IMMP2L: variants seen among roughly 807,000 people sequenced by gnomAD.
IMMP2L encodes the protein inner mitochondrial membrane peptidase subunit 2.
A neutral mutation model predicts 19.3 loss-of-function variants in IMMP2L; 18 were observed. That is an observed-to-expected ratio of 0.93 (90% CI 0.64 to 1.38). The LOEUF is 1.38. IMMP2L is among the 40% of genes most tolerant of loss of function. IMMP2L has a pLI of 0.00. For missense variants in IMMP2L, 233 were observed against 218.2 expected (o/e 1.07, Z -0.43); for synonymous variants, 76 against 73.0 (o/e 1.04, Z -0.21).
chr7:110,749,513 T>C (rs1002079033), intron 5 of IMMP2L, among the ~76,000 whole-genome samples: 13 of 152,140 alleles, frequency 8.5e-5, no homozygotes, highest in Admixed American at 7.9e-4. Flanking sequence ...CCATCAATGA[T>C]AGGCTGGATA....
At chr7:111,398,608 C>T (rs1424963693) in intron 3 of IMMP2L, among the ~76,000 whole-genome samples, 3 of 151,956 alleles carry the variant, frequency 2.0e-5, no homozygotes, top group Admixed American at 6.6e-5. Flanking sequence ...CAGCATAGTA[C>T]TGGAAGTCCT....
At chr7:110,706,780 T>C (rs1479828171) in intron 5 of IMMP2L, among the ~76,000 whole-genome samples, 2 of 152,122 alleles carry the variant, frequency 1.3e-5, no homozygotes, top group East Asian at 1.9e-4. Flanking sequence ...GAATATTTTC[T>C]CTTATTCTGT....
chr7:111,105,045 C>T (rs969388619), intron 3 of IMMP2L, among the ~76,000 whole-genome samples: 1 of 151,808 alleles, frequency 6.6e-6, no homozygotes, highest in East Asian at 1.9e-4. Context: ...CCATAGAATT[C>T]CAGAAGCTCC....
rs181001821 is a variant in IMMP2L, at chr7:110,982,143, T to A, written c.240-18578A>T. Among the ~76,000 whole-genome samples the A allele has an allele frequency of 2.6e-5, 4 of 152,284 alleles. No homozygotes were observed. The East Asian group carries it at 7.7e-4, about 29-fold the overall frequency. On this transcript the variant is annotated intron_variant, in intron 3 of 5. Transcript: ENST00000405709. ...TATATGCATCTGATTTCAGGTTCTA[T>A]TAGAAAACCTGAGGTAACACAGTGA... is the stretch of plus-strand genomic sequence containing the variant.
intron 3 of IMMP2L, among the ~76,000 whole-genome samples, chr7:111,217,122 T>A (rs35777277): frequency 0.11 from 15,170 of 140,106 alleles, 962 homozygotes; most frequent in African/African-American, 0.18. Context: ...TCTCTCTCTC[T>A]CTCTCACACA....
At chr7:111,546,571 C>T (rs539385129) in intron 1 of IMMP2L, among the ~76,000 whole-genome samples, 19 of 152,156 alleles carry the variant, frequency 1.2e-4, no homozygotes, top group African/African-American at 3.6e-4. Context: ...TTTTTCTTTG[C>T]TTTTTGATAT....
intron 3 of IMMP2L, among the ~76,000 whole-genome samples, chr7:111,145,454 C>T (rs115000961): frequency 2.0e-5 from 3 of 151,990 alleles, no homozygotes; most frequent in Admixed American, 6.6e-5. Context: ...AATTAATTAT[C>T]GGAGACCAAA....
intron 3 of IMMP2L, among the ~76,000 whole-genome samples, chr7:111,243,182 G>C (rs1354531517): frequency 6.6e-6 from 1 of 151,960 alleles, no homozygotes; most frequent in Non-Finnish European, 1.5e-5. Flanking sequence ...TTGCTCACCA[G>C]CCATTCAATC....
rs930131124 is a variant in IMMP2L at position 110,760,765 on chromosome 7, A to G, written c.409-97044T>C. On this transcript the variant is annotated intron_variant, in intron 5 of 5. Coordinates refer to ENST00000405709, the MANE Select transcript of IMMP2L (RefSeq NM_032549.4). The surrounding 1 kb of genome is among the most constrained non-coding windows in gnomAD (Gnocchi z 4.2). The stretch of plus-strand genomic sequence containing the variant: ...GAATATCTCAAAAGGTTTGCTGACT[A>G]TTGTTAACAGCTCTGACTAAACACC... Among the ~76,000 whole-genome samples the G allele has an allele frequency of 1.1e-4, 16 of 152,122 alleles. No individual in the cohort carries two copies. The highest frequency in any genetic ancestry group is 3.6e-4 in the African/African-American group (15 of 41,440).
At chr7:111,330,481 G>A (rs551341876) in intron 3 of IMMP2L, among the ~76,000 whole-genome samples, 53 of 151,432 alleles carry the variant, frequency 3.5e-4, no homozygotes, top group Middle Eastern at 6.8e-3. Flanking sequence ...CTTATATACT[G>A]AAAGGGCCCA....
At position 111,351,129 on chromosome 7, in the gene IMMP2L, T is replaced by G. The variant is rs997438690; in HGVS notation, c.239+136109A>C. Among the ~76,000 whole-genome samples, 14 of 152,206 alleles carry G rather than the reference T, an allele frequency of 9.2e-5. 1 individual carries two copies. The highest frequency in any genetic ancestry group is 6.5e-4 in the Admixed American group (10 of 15,270). On this transcript the variant is annotated intron_variant, in intron 3 of 5. Transcript: ENST00000405709. Reference sequence around the variant, plus strand: ...TATTGCGTGTACACTGGGAAAAATATCTTGCATTCTATACCAACCCATTAA... The same window carrying G: ...TATTGCGTGTACACTGGGAAAAATAGCTTGCATTCTATACCAACCCATTAA...
At chr7:111,347,704 G>T (rs1338009515) in intron 3 of IMMP2L, among the ~76,000 whole-genome samples, 1 of 151,918 alleles carries the variant, frequency 6.6e-6, no homozygotes, top group African/African-American at 2.4e-5. Context: ...TTGGGCTTGA[G>T]TATGATTATC....
chr7:111,379,441 T>C (rs1158341800), intron 3 of IMMP2L, among the ~76,000 whole-genome samples: 5 of 151,720 alleles, frequency 3.3e-5, no homozygotes, highest in Non-Finnish European at 7.4e-5. Flanking sequence ...TGTCAAGATG[T>C]TTACATGGTG....
Position 110,978,786 on chromosome 7 carries a change from C to A in IMMP2L, c.240-15221G>T, listed in dbSNP as rs576721243. On this transcript the variant is annotated intron_variant, in intron 3 of 5. Coordinates refer to ENST00000405709, the MANE Select transcript of IMMP2L (RefSeq NM_032549.4). ...GATTAACACAAAATCCCTATAGAAC[C>A]TCCAGTTAATTTTCTAACCCTTTGA... Among the ~76,000 whole-genome samples the A allele has an allele frequency of 1.4e-4, 21 of 152,028 alleles. No individual in the cohort carries two copies. The South Asian group carries it at 4.1e-3, about 30-fold the overall frequency.
At chr7:110,799,741 T>A (rs1801116887) in intron 5 of IMMP2L, among the ~76,000 whole-genome samples, 1 of 152,078 alleles carries the variant, frequency 6.6e-6, no homozygotes, top group Non-Finnish European at 1.5e-5. Flanking sequence ...GTGGTAGCCT[T>A]TTCAGGCAAA....
At chr7:110,945,739 T>C (rs565800147) in intron 4 of IMMP2L, among the ~76,000 whole-genome samples, 4 of 150,676 alleles carry the variant, frequency 2.7e-5, no homozygotes, top group East Asian at 2.0e-4. Context: ...AGGTCAGAGA[T>C]TGAGAAAAAA....
At chr7:111,397,164 C>T (rs1454626900) in intron 3 of IMMP2L, among the ~76,000 whole-genome samples, 1 of 152,002 alleles carries the variant, frequency 6.6e-6, no homozygotes, top group Non-Finnish European at 1.5e-5. Context: ...TATTTACATT[C>T]TCTGTAGTCC....
intron 5 of IMMP2L, among the ~76,000 whole-genome samples, chr7:110,825,949 G>GCTTA (rs1349015284): frequency 2.6e-5 from 4 of 152,162 alleles, no homozygotes; most frequent in African/African-American, 9.6e-5. Context: ...CTGACAAAGG[G>GCTTA]CTTATATCCA....
chr7:110,703,479 A>G (rs1193833114), intron 5 of IMMP2L, among the ~76,000 whole-genome samples: 1 of 152,018 alleles, frequency 6.6e-6, no homozygotes, highest in Non-Finnish European at 1.5e-5. Flanking sequence ...CACAATTTCT[A>G]CTTTATTTCC....
Sources: allele counts gnomAD v4.1 joint callset (sites outside exome capture counted in the v4.1 genomes callset), GRCh38; gene constraint gnomAD v4.1.1; non-coding constraint Gnocchi (gnomAD v3.1); transcripts MANE v1.5; gene names NCBI Gene and HGNC (gene_info 2026-07-23, HGNC 2026-07-21).